The following RAB3C variants were observed in gnomAD, a reference collection of about 807,000 sequenced individuals.
RAB3C encodes ras-related protein Rab-3C.
A neutral mutation model predicts 26.4 loss-of-function variants in RAB3C; 17 were observed. The ratio of observed to expected loss-of-function variants is 0.64; its 90% CI spans 0.44 to 0.97. The LOEUF (loss-of-function observed/expected upper bound fraction) is 0.97. Among genes scored for constraint, RAB3C ranks in the 50% least tolerant of loss-of-function variants. RAB3C has a pLI of 0.00. For missense variants in RAB3C, 242 were observed against 281.9 expected, an observed-to-expected ratio of 0.86 and a Z score of 1.01; for synonymous variants, 91 against 95.9, an observed-to-expected ratio of 0.95 and a Z score of 0.30.
At position 58,805,589 on chromosome 5, in the gene RAB3C, G is replaced by GAAA. The variant is rs1554019798; in HGVS notation, c.372-19436_372-19434dup. Among the ~76,000 whole-genome samples, 687 of 107,062 alleles carry GAAA rather than the reference G, an allele frequency of 6.4e-3. 10 individuals are homozygous for GAAA. The highest frequency in any genetic ancestry group is 8.5e-3 in the Non-Finnish European group (461 of 54,182). The allele number at this position is 107,062 out of a possible 152,430, so 70.2% of individuals were successfully genotyped here. A position where few individuals can be genotyped will look rare whatever the true frequency, so the allele number is the denominator to read the frequency against. On this transcript the variant is annotated intron_variant, in intron 3 of 4. Transcript: ENST00000282878. ...TGGGTGACAAAGCAAGACTCCATCT[G>GAAA]AAAAAAAAAAAAAAAGAGAGAGAGA...
chr5:58,815,516 A>T (rs578068595), intron 3 of RAB3C, among the ~76,000 whole-genome samples: 8 of 152,294 alleles, frequency 5.3e-5, no homozygotes, highest in African/African-American at 1.4e-4. Flanking sequence ...GATGGGGTGA[A>T]CACTTGCCTT....
intron 1 of RAB3C, 28 bp downstream of exon 1, chr5:58,583,260 G>C: frequency 6.2e-7 from 1 of 1,613,950 alleles, no homozygotes; most frequent in Non-Finnish European, 8.5e-7. Flanking sequence ...GAGTGGCCTC[G>C]GGAGGAATTG....
intron 2 of RAB3C, among the ~76,000 whole-genome samples, chr5:58,677,190 A>G (rs1748247330): frequency 6.6e-6 from 1 of 152,166 alleles, no homozygotes; most frequent in Admixed American, 6.5e-5. Context: ...CACTAGTCAT[A>G]TTGGATTAAG....
intron 2 of RAB3C, among the ~76,000 whole-genome samples, chr5:58,714,292 G>T (rs1419307543): frequency 6.6e-6 from 1 of 152,016 alleles, no homozygotes; most frequent in Non-Finnish European, 1.5e-5. Context: ...CTTTTCAATG[G>T]TATCAACTAA....
chr5:58,637,098 CTTT>C (rs10669263), intron 2 of RAB3C, among the ~76,000 whole-genome samples: 1 of 142,208 alleles, frequency 7.0e-6, no homozygotes, highest in African/African-American at 2.6e-5. Flanking sequence ...TTTCAAAGAA[CTTT>C]TTTTTTTTTT....
At chr5:58,806,951 G>C (rs1742954740) in intron 3 of RAB3C, among the ~76,000 whole-genome samples, 1 of 152,184 alleles carries the variant, frequency 6.6e-6, no homozygotes, top group Admixed American at 6.5e-5. Context: ...AAGGTAAGTG[G>C]TAGAATGCAG....
At position 58,635,326 on chromosome 5, in the gene RAB3C, C is replaced by A. The variant is rs1164333590; in HGVS notation, c.252+17456C>A. Among the ~76,000 whole-genome samples the A allele has an allele frequency of 2.0e-5, 3 of 152,186 alleles. No individual in the cohort carries two copies. The East Asian group carries it at 5.8e-4, about 29-fold the overall frequency. On this transcript the variant is annotated intron_variant, in intron 2 of 4. Coordinates refer to ENST00000282878, the MANE Select transcript of RAB3C (RefSeq NM_138453.4). ...CATGGGAAGTTACATGGGGAGGTTG[C>A]TGTCCATTCTTAATGGGAACTTTCC...
chr5:58,631,442 G>T lies in RAB3C; in HGVS notation c.252+13572G>T, dbSNP rs531836834. 2.6e-5 allele frequency among the ~76,000 whole-genome samples: 4 copies of T among 152,324 alleles called. No individual in the cohort carries two copies. The East Asian group carries it at 7.7e-4, about 29-fold the overall frequency. On this transcript the variant is annotated intron_variant, in intron 2 of 4. Transcript: ENST00000282878. ...TGTTCAATTACATGAAGTTATGCAT[G>T]ACTGATAGGCTAATGTCTCAAATAT...
At chr5:58,803,913 A>G (rs1742873123) in intron 3 of RAB3C, among the ~76,000 whole-genome samples, 1 of 152,002 alleles carries the variant, frequency 6.6e-6, no homozygotes, top group Non-Finnish European at 1.5e-5. Flanking sequence ...ACAAAAAATT[A>G]GCCAGGCTTG....
At chr5:58,607,134 T>C (rs908543583) in intron 1 of RAB3C, among the ~76,000 whole-genome samples, 1 of 152,172 alleles carries the variant, frequency 6.6e-6, no homozygotes, top group African/African-American at 2.4e-5. Context: ...GAGCATGTTC[T>C]AACCTGTCAC....
chr5:58,678,127 A>C (rs1748266950), intron 2 of RAB3C, among the ~76,000 whole-genome samples: 1 of 152,088 alleles, frequency 6.6e-6, no homozygotes, highest in Admixed American at 6.6e-5. Context: ...ATAATAGTAA[A>C]TGATTGTTTG....
chr5:58,802,455 A>G (rs1027454545), intron 3 of RAB3C, among the ~76,000 whole-genome samples: 1 of 152,226 alleles, frequency 6.6e-6, no homozygotes, highest in Non-Finnish European at 1.5e-5. Context: ...CAGAGTTTGC[A>G]GAAAGAAATG....
intron 1 of RAB3C, among the ~76,000 whole-genome samples, chr5:58,590,532 C>CTTATTTATTTAT (rs34521886): frequency 1.3e-5 from 2 of 151,430 alleles, no homozygotes; most frequent in African/African-American, 4.8e-5. Flanking sequence ...ATTTGGTTCA[C>CTTATTTATTTAT]TTATTTATTT....
chr5:58,797,353 AATATGTATATATATAATATATATAT>A (rs1206036569), intron 3 of RAB3C, among the ~76,000 whole-genome samples: 4 of 26,020 alleles, frequency 1.5e-4, no homozygotes, highest in Middle Eastern at 0.031. Context: ...AAAAAAAAAA[AATATGTATATATATAATATATATAT>A]ATATATATAT....
At position 58,725,892 on chromosome 5, in the gene RAB3C, C is replaced by G. The variant is rs1186322334; in HGVS notation, c.253-110C>G. 6.4e-6 allele frequency: 4 copies of G among 622,236 alleles called. No homozygotes were observed. The Admixed American group carries it at 1.2e-4, about 18-fold the overall frequency. 38.5% of individuals were successfully genotyped at this position (622,236 alleles called of 1,614,324 possible). A position where few individuals can be genotyped will look rare whatever the true frequency, so the allele number is the denominator to read the frequency against. On this transcript the variant is annotated intron_variant, in intron 2 of 4. Coordinates refer to ENST00000282878, the MANE Select transcript of RAB3C (RefSeq NM_138453.4). Reference sequence around the variant, plus strand: ...ACCAAAAAAGATAGACAGCTATACACAACAAGTACATTTTAGACTCTATTG... The same window carrying G: ...ACCAAAAAAGATAGACAGCTATACAGAACAAGTACATTTTAGACTCTATTG...
At position 58,726,027 on chromosome 5, in the gene RAB3C, G is replaced by A. The variant is rs1203178272; in HGVS notation, c.278G>A (p.Arg93Lys). ...IWDTAGQERYRTITTAYYRGA... is the reference protein window; with the variant it reads ...IWDTAGQERYKTITTAYYRGA... ...GACACAGCAGGCCAGGAAAGATACA[G>A]GACTATCACCACAGCCTATTATCGT... The change falls in exon 3 of 5, where the codon AGG becomes AAG. Residue 93 changes from arginine (R) to lysine (K), a missense_variant. Coordinates refer to ENST00000282878, the MANE Select transcript of RAB3C (RefSeq NM_138453.4). The A allele has an allele frequency of 6.2e-7, 1 of 1,603,174 alleles. No individual in the cohort carries two copies. Among genetic ancestry groups the A allele is most frequent in the Non-Finnish European group, 8.5e-7 (1 of 1,173,290 alleles).
chr5:58,786,595 A>G (rs1407515897), intron 3 of RAB3C, among the ~76,000 whole-genome samples: 1 of 152,010 alleles, frequency 6.6e-6, no homozygotes, highest in Non-Finnish European at 1.5e-5. Context: ...AATTCTCTAA[A>G]TTATCCCAAA....
intron 1 of RAB3C, among the ~76,000 whole-genome samples, chr5:58,593,359 G>A (rs886920931): frequency 6.6e-6 from 1 of 152,112 alleles, no homozygotes; most frequent in East Asian, 1.9e-4. Context: ...ATAATAGTGT[G>A]CAGAAACTAA....
chr5:58,587,264 T>A (rs1228844346), intron 1 of RAB3C, among the ~76,000 whole-genome samples: 1 of 152,200 alleles, frequency 6.6e-6, no homozygotes, highest in African/African-American at 2.4e-5. Flanking sequence ...TTCTTCACCA[T>A]CATATTCCAG....
Sources: allele counts gnomAD v4.1 joint callset (sites outside exome capture counted in the v4.1 genomes callset), GRCh38; gene constraint gnomAD v4.1.1; transcripts MANE v1.5; gene names NCBI Gene and HGNC (gene_info 2026-07-23, HGNC 2026-07-21).